ARHGAP15: variants seen among roughly 807,000 people sequenced by gnomAD.
ARHGAP15 encodes the protein Rho GTPase activating protein 15.
In ARHGAP15, 51 loss-of-function variants were observed where a neutral mutation model predicts 63.7. The ratio of observed to expected loss-of-function variants is 0.80; its 90% CI spans 0.64 to 1.01. The LOEUF (loss-of-function observed/expected upper bound fraction) is 1.01, where lower values mean the gene tolerates loss of function less well. ARHGAP15 is among the 50% of genes least tolerant of loss of function. The pLI is 0.00. For missense variants in ARHGAP15, 560 were observed against 564.6 expected (o/e 0.99, Z 0.08); for synonymous variants, 191 against 193.8 (o/e 0.99, Z 0.12).
chr2:143,611,258 T>C (rs1013776117), intron 11 of ARHGAP15, among the ~76,000 whole-genome samples: 1 of 152,190 alleles, frequency 6.6e-6, no homozygotes, highest in Non-Finnish European at 1.5e-5. Flanking sequence ...GGGCATAAAC[T>C]TGAATGACAC....
intron 6 of ARHGAP15, among the ~76,000 whole-genome samples, chr2:143,271,569 G>A (rs986652676): frequency 6.6e-6 from 1 of 152,198 alleles, no homozygotes; most frequent in Admixed American, 6.5e-5. Context: ...TCCGCTTCCC[G>A]GGTTCACACC....
rs973628760 is a variant in ARHGAP15 at position 143,638,080 on chromosome 2, G to A, written c.1138+13813G>A. Among the ~76,000 whole-genome samples the A allele has an allele frequency of 8.7e-4, 125 of 144,438 alleles. 1 individual carries two copies. The highest frequency in any genetic ancestry group is 2.9e-3 in the African/African-American group (115 of 39,852). 94.8% of individuals were successfully genotyped at this position (144,438 alleles called of 152,430 possible). On this transcript the variant is annotated intron_variant, in intron 12 of 13. Coordinates refer to ENST00000295095, the MANE Select transcript of ARHGAP15 (RefSeq NM_018460.4). ...ACTGTAAACTAGTTCAACCATTGTG[G>A]AAGTCAGTGTGGCGATTCCTCAGGG...
chr2:143,709,893 C>T (rs1204235894), intron 13 of ARHGAP15, among the ~76,000 whole-genome samples: 5 of 152,154 alleles, frequency 3.3e-5, no homozygotes, highest in African/African-American at 1.2e-4. Context: ...CTTCAAAGCC[C>T]ACAGCCATCA....
intron 11 of ARHGAP15, among the ~76,000 whole-genome samples, chr2:143,562,529 A>G (rs192714673): frequency 6.6e-6 from 1 of 152,320 alleles, no homozygotes; most frequent in Admixed American, 6.5e-5. Context: ...GCTTTATTCC[A>G]TTCCACAGGG....
intron 9 of ARHGAP15, among the ~76,000 whole-genome samples, chr2:143,506,793 C>A (rs1202749070): frequency 6.6e-6 from 1 of 152,152 alleles, no homozygotes; most frequent in East Asian, 1.9e-4. Context: ...AAATCGGTTT[C>A]TTGGACTACA....
chr2:143,229,109 A>T (rs961760913), intron 5 of ARHGAP15, among the ~76,000 whole-genome samples: 1 of 152,134 alleles, frequency 6.6e-6, no homozygotes, highest in African/African-American at 2.4e-5. Flanking sequence ...ATCATATTAA[A>T]CCATGTATGT....
chr2:143,484,364 TC>T (rs1692218486), intron 8 of ARHGAP15, among the ~76,000 whole-genome samples: 1 of 40,880 alleles, frequency 2.4e-5, no homozygotes, highest in African/African-American at 8.9e-5. Context: ...AGACTCCATC[TC>T]AAAAAAAAAA....
At chr2:143,321,658 A>T (rs1172998422) in intron 6 of ARHGAP15, among the ~76,000 whole-genome samples, 1 of 152,264 alleles carries the variant, frequency 6.6e-6, no homozygotes, top group Non-Finnish European at 1.5e-5. Flanking sequence ...TCCTCCAAGG[A>T]AGGAGTGCAA....
chr2:143,440,167 A>T (rs1031300029), intron 8 of ARHGAP15, among the ~76,000 whole-genome samples: 3 of 152,150 alleles, frequency 2.0e-5, no homozygotes, highest in Admixed American at 6.5e-5. Flanking sequence ...TGATTGACCC[A>T]CCCACACAAT....
Position 143,662,408 on chromosome 2 carries a change from C to T in ARHGAP15, c.1138+38141C>T, listed in dbSNP as rs566281810. 1.7e-4 allele frequency among the ~76,000 whole-genome samples: 25 copies of T among 145,120 alleles called. No homozygotes were observed. In the East Asian group the frequency reaches 4.9e-3, roughly 28 times the overall value. ...CAGAAAGGACATCCACACCAAAAACCCATCTGTACATCACCATCATCAAAG... is the reference window on the plus strand; with the variant it reads ...CAGAAAGGACATCCACACCAAAAACTCATCTGTACATCACCATCATCAAAG... On this transcript the variant is annotated intron_variant, in intron 12 of 13. Coordinates refer to ENST00000295095, the MANE Select transcript of ARHGAP15 (RefSeq NM_018460.4).
rs894346641 is a variant in ARHGAP15 at position 143,566,071 on chromosome 2, G to A, written c.1003+9586G>A. 2.0e-5 allele frequency among the ~76,000 whole-genome samples: 3 copies of A among 150,840 alleles called. No homozygotes were observed. The East Asian group carries it at 5.9e-4, about 29-fold the overall frequency. On this transcript the variant is annotated intron_variant, in intron 11 of 13. Transcript: ENST00000295095. Reference sequence around the variant, plus strand: ...CTTAAAGCTGTTCCTGAAAAGGAAAGTAACAGTTGCAGAGATGGGAAGAAA... The same window carrying A: ...CTTAAAGCTGTTCCTGAAAAGGAAAATAACAGTTGCAGAGATGGGAAGAAA...
chr2:143,484,347 CAG>C (rs942912223), intron 8 of ARHGAP15, among the ~76,000 whole-genome samples: 1 of 130,682 alleles, frequency 7.7e-6, no homozygotes, highest in South Asian at 2.5e-4. Context: ...GCGTGGGCAA[CAG>C]AGAGAGACTC....
intron 11 of ARHGAP15, among the ~76,000 whole-genome samples, chr2:143,623,222 T>C (rs1428558202): frequency 1.3e-5 from 2 of 152,212 alleles, no homozygotes; most frequent in South Asian, 2.1e-4. Context: ...CAGACGTGAA[T>C]GCATCCACTT....
At chr2:143,564,003 G>C (rs1217096830) in intron 11 of ARHGAP15, 2 of 152,388 alleles carry the variant, frequency 1.3e-5, no homozygotes, top group Non-Finnish European at 1.5e-5. Flanking sequence ...CAAGGTGTCA[G>C]CCATAGGCGG....
chr2:143,633,911 C>T (rs992685579), intron 12 of ARHGAP15, among the ~76,000 whole-genome samples: 1 of 152,094 alleles, frequency 6.6e-6, no homozygotes, highest in Non-Finnish European at 1.5e-5. Context: ...TATCTGCCCA[C>T]TTACCCCCAA....
intron 6 of ARHGAP15, among the ~76,000 whole-genome samples, chr2:143,416,299 T>C (rs1639141368): frequency 6.6e-6 from 1 of 152,166 alleles, no homozygotes; most frequent in African/African-American, 2.4e-5. Context: ...TCGTGGCATA[T>C]AAAATAATAG....
intron 13 of ARHGAP15, among the ~76,000 whole-genome samples, chr2:143,722,584 C>A (rs1331359608): frequency 1.3e-5 from 2 of 152,138 alleles, no homozygotes; most frequent in Admixed American, 6.5e-5. Context: ...TGCAGTGCTA[C>A]TAATGTAACA....
intron 8 of ARHGAP15, among the ~76,000 whole-genome samples, chr2:143,458,069 T>A (rs1452979410): frequency 2.6e-5 from 4 of 152,014 alleles, no homozygotes; most frequent in Non-Finnish European, 5.9e-5. Flanking sequence ...GAAATAAAAA[T>A]AACTCTGAAA....
intron 6 of ARHGAP15, among the ~76,000 whole-genome samples, chr2:143,347,667 C>A (rs1379664140): frequency 6.6e-6 from 1 of 152,046 alleles, no homozygotes; most frequent in Non-Finnish European, 1.5e-5. Context: ...AATAACCCCA[C>A]TATTAGCTCT....
Sources: gnomAD v4.1 joint callset for allele counts (sites outside exome capture counted in the v4.1 genomes callset) on GRCh38, gnomAD v4.1.1 for gene constraint, MANE v1.5 for transcripts, NCBI Gene and HGNC (gene_info 2026-07-23, HGNC 2026-07-21) for gene names.